ZNF831: variants seen among roughly 807,000 people sequenced by gnomAD.
ZNF831 encodes the protein zinc finger protein 831.
ZNF831 carries 59 observed loss-of-function variants against 95.8 expected under a neutral mutation model. The observed-to-expected ratio is 0.62, with a 90% CI of 0.50 to 0.77. The LOEUF (loss-of-function observed/expected upper bound fraction) is 0.77, where lower values mean the gene tolerates loss of function less well. Among genes scored for constraint, ZNF831 ranks in the 30% least tolerant of loss-of-function variants. The pLI is 0.00. For synonymous variants in ZNF831, 961 were observed against 925.5 expected (o/e 1.04, Z -0.70); for missense variants, 2,205 against 2,164.0 (o/e 1.02, Z -0.38).
chr20:59,249,195 A>G (rs1049548805), intron 4 of ZNF831, among the ~76,000 whole-genome samples: 9 of 152,144 alleles, frequency 5.9e-5, no homozygotes, highest in Non-Finnish European at 1.2e-4. Flanking sequence ...CTTTCTGAGA[A>G]GTCTTCCTTG....
At chr20:59,130,379 G>A in intron 1 of ZNF831, among the ~76,000 whole-genome samples, 1 of 152,148 alleles carries the variant, frequency 6.6e-6, no homozygotes, top group Non-Finnish European at 1.5e-5. Flanking sequence ...AAGTGTGAAA[G>A]GGCCCCTAAG....
Position 59,191,575 on chromosome 20 carries a change from A to G in ZNF831, c.556A>G (p.Asn186Asp). 6.2e-7 allele frequency: 1 copy of G among 1,611,940 alleles called. No individual in the cohort carries two copies. The highest frequency in any genetic ancestry group is 8.5e-7 in the Non-Finnish European group (1 of 1,179,270). The stretch of plus-strand genomic sequence containing the variant: ...CGGCATCGCCTTTAAGACCCAGAGC[A>G]ATCTCTACAAGCACAGGCGGACGCA... ...TCGIAFKTQS[N>D]LYKHRRTQTH... The change falls in exon 2 of 6, where the codon AAT becomes GAT. Residue 186 changes from asparagine (N) to aspartate (D), a missense_variant. Coordinates refer to ENST00000371030, the MANE Select transcript of ZNF831 (RefSeq NM_178457.3).
At position 59,194,753 on chromosome 20, in the gene ZNF831, C is replaced by T. The variant is rs1254736008; in HGVS notation, c.3734C>T (p.Ser1245Phe). 6.4e-7 allele frequency: 1 copy of T among 1,555,400 alleles called. No individual in the cohort carries two copies. The highest frequency in any genetic ancestry group is 8.7e-7 in the Non-Finnish European group (1 of 1,152,648). ...GGAGAAGGAGGGCCGGCGCAGATGT[C>T]CAAGGTAAAGCTGGGCTTTGCCCCA... ...SPGEGGPAQM[S>F]KFSYPTVPGV... Residue 1245 changes from serine to phenylalanine, a missense_variant, in exon 2 of 6, where the codon TCC (serine) becomes TTC (phenylalanine). Physicochemically the swap from Ser to Phe is radical, Grantham distance 155. Transcript: ENST00000371030.
At chr20:59,230,829 G>C (rs1296746832) in intron 4 of ZNF831, among the ~76,000 whole-genome samples, 1 of 152,156 alleles carries the variant, frequency 6.6e-6, no homozygotes, top group African/African-American at 2.4e-5. Context: ...TACAGTTTTG[G>C]CACTCTCATG....
intron 1 of ZNF831, among the ~76,000 whole-genome samples, chr20:59,143,169 G>C (rs1392337247): frequency 6.6e-6 from 1 of 152,202 alleles, no homozygotes; most frequent in Non-Finnish European, 1.5e-5. Context: ...AAAGTGCTTA[G>C]ATTACAGGTG....
At chr20:59,212,766 A>G (rs1488876902) in intron 4 of ZNF831, among the ~76,000 whole-genome samples, 2 of 152,352 alleles carry the variant, frequency 1.3e-5, no homozygotes, top group East Asian at 3.9e-4. Context: ...AGGTGGGAAC[A>G]TGAGAACTTT....
chr20:59,180,447 C>T (rs1601343691), intron 1 of ZNF831, among the ~76,000 whole-genome samples: 1 of 152,180 alleles, frequency 6.6e-6, no homozygotes, highest in Non-Finnish European at 1.5e-5. Context: ...TGGTTTGCTA[C>T]ACACATCAAC....
At chr20:59,127,385 T>C (rs1374755087) in intron 1 of ZNF831, among the ~76,000 whole-genome samples, 1 of 152,204 alleles carries the variant, frequency 6.6e-6, no homozygotes, top group East Asian at 1.9e-4. Context: ...CAGGTCATGC[T>C]GCTCTCTGGT....
At chr20:59,213,521 T>C (rs1018955632) in intron 4 of ZNF831, among the ~76,000 whole-genome samples, 3 of 152,196 alleles carry the variant, frequency 2.0e-5, no homozygotes, top group Non-Finnish European at 4.4e-5. Flanking sequence ...CATGTTTGCA[T>C]CCAGGGGCCT....
intron 3 of ZNF831, among the ~76,000 whole-genome samples, chr20:59,199,488 T>C (rs1400767428): frequency 6.6e-6 from 1 of 152,212 alleles, no homozygotes; most frequent in Non-Finnish European, 1.5e-5. Context: ...TTATCATTTA[T>C]CATTCTTCAG....
rs554553055 is a variant in ZNF831 at position 59,254,141 on chromosome 20, A to G, written c.4432A>G (p.Lys1478Glu). The change falls in exon 6 of 6, where the codon AAA becomes GAA. Residue 1478 changes from lysine to glutamate, a missense_variant. Transcript: ENST00000371030. The surrounding 1 kb of genome is among the most constrained non-coding windows in gnomAD (Gnocchi z 4.5). ...TCAAAGGCCTTCTTCCTTTGGGTCC[A>G]AAGGAACTTTTCCCCACCATGACAT... is the stretch of plus-strand genomic sequence containing the variant. ...DAQRPSSFGSKGTFPHHDIAT... is the reference protein window; with the variant it reads ...DAQRPSSFGSEGTFPHHDIAT... The G allele has an allele frequency of 1.2e-6, 2 of 1,614,078 alleles. No individual in the cohort carries two copies. Among genetic ancestry groups the G allele is most frequent in the South Asian group, 2.2e-5 (2 of 91,068 alleles).
At chr20:59,171,029 AC>A (rs1418199773) in intron 1 of ZNF831, among the ~76,000 whole-genome samples, 1 of 151,578 alleles carries the variant, frequency 6.6e-6, no homozygotes, top group Admixed American at 6.6e-5. Context: ...ATCCATGTGA[AC>A]CCCCCAGCCA....
intron 4 of ZNF831, among the ~76,000 whole-genome samples, chr20:59,218,086 T>A (rs1985815757): frequency 6.6e-6 from 1 of 152,200 alleles, no homozygotes; most frequent in Admixed American, 6.5e-5. Flanking sequence ...CCCAGGAGCC[T>A]GAGAGAGCAA....
chr20:59,155,802 A>G (rs890827862), intron 2 of ZNF831, among the ~76,000 whole-genome samples: 1 of 152,170 alleles, frequency 6.6e-6, no homozygotes, highest in Non-Finnish European at 1.5e-5. Flanking sequence ...GGAGACCCTG[A>G]GTGAAAGGAA....
chr20:59,251,196 C>A (rs1054879225), intron 4 of ZNF831, among the ~76,000 whole-genome samples: 1 of 152,192 alleles, frequency 6.6e-6, no homozygotes, highest in South Asian at 2.1e-4. Flanking sequence ...AACAGAACCA[C>A]ATTTTTCTAA....
intron 4 of ZNF831, among the ~76,000 whole-genome samples, chr20:59,231,075 G>C (rs555827243): frequency 2.3e-4 from 35 of 152,274 alleles, no homozygotes; most frequent in African/African-American, 7.2e-4. Context: ...CTGAAAGAAA[G>C]AAGAAAAGAG....
At chr20:59,177,480 A>C (rs1186187060) in intron 1 of ZNF831, among the ~76,000 whole-genome samples, 3 of 151,992 alleles carry the variant, frequency 2.0e-5, no homozygotes, top group African/African-American at 7.3e-5. Context: ...TGCAGGAAAC[A>C]CTCTTACCCC....
At position 59,191,263 on chromosome 20, in the gene ZNF831, C is replaced by T. The variant is rs2146545070; in HGVS notation, c.244C>T (p.Leu82=). Residue 82 remains leucine, a synonymous_variant, in exon 2 of 6, where the codon CTA becomes TTA. Coordinates refer to ENST00000371030, the MANE Select transcript of ZNF831 (RefSeq NM_178457.3). ...QPRAPLVTGS[L]DGGNVPFILS... is the part of the protein sequence containing the mutation. ...CCGCGCCCCGCTAGTGACGGGCAGCCTAGATGGGGGCAACGTGCCCTTCAT... is the reference window on the plus strand; with the variant it reads ...CCGCGCCCCGCTAGTGACGGGCAGCTTAGATGGGGGCAACGTGCCCTTCAT... 6.4e-7 allele frequency: 1 copy of T among 1,559,006 alleles called. No homozygotes were observed. The highest frequency in any genetic ancestry group is 8.7e-7 in the Non-Finnish European group (1 of 1,152,690).
rs372213787 is a variant in ZNF831, at chr20:59,139,861, C to T, written c.-1424-6370C>T. ...GAGGATGATAGAGCATGGAAAAACC[C>T]CAAACATTGATGAGTCTGAATTGAA... On this transcript the variant is annotated intron_variant, in intron 1 of 7. Coordinates refer to the ZNF831 transcript ENST00000637017. Among the ~76,000 whole-genome samples the T allele has an allele frequency of 3.3e-4, 50 of 152,250 alleles. 1 individual carries two copies. The South Asian group carries it at 7.3e-3, about 22-fold the overall frequency.
Sources: gnomAD v4.1 joint callset for allele counts (sites outside exome capture counted in the v4.1 genomes callset) on GRCh38, gnomAD v4.1.1 for gene constraint, Gnocchi (gnomAD v3.1) non-coding constraint, MANE v1.5 for transcripts, NCBI Gene and HGNC (gene_info 2026-07-23, HGNC 2026-07-21) for gene names.